Variants in PDF observed in about 807,000 individuals in gnomAD.
The protein encoded by PDF is peptide deformylase-like protein.
A neutral mutation model predicts 20.3 loss-of-function variants in PDF; 31 were observed. That is an observed-to-expected ratio of 1.52 (90% confidence interval 1.15 to 2.06). PDF has a LOEUF of 2.06. PDF is among the 30% of genes most tolerant of loss of function. The probability of loss-of-function intolerance (pLI) is 0.00; values close to 1 mark genes in which losing one functional copy is unlikely to be tolerated. For missense variants in PDF, 447 were observed against 362.5 expected (o/e 1.23, Z -1.89); for synonymous variants, 254 against 172.0 (o/e 1.48, Z -3.73).
Position 69,329,010 on chromosome 16 carries a change from A to AG in PDF, c.*11dup. ...CTTGGTATCCGGAATCCTCAGCCCCAGTAGCAAAGCTTTAGTCATTCACCT... is the reference window on the plus strand; with the variant it reads ...CTTGGTATCCGGAATCCTCAGCCCCAGGTAGCAAAGCTTTAGTCATTCACCT... On this transcript the variant is annotated 3_prime_UTR_variant, in exon 2 of 2. Coordinates refer to ENST00000288022, the MANE Select transcript of PDF (RefSeq NM_022341.2). The AG allele has an allele frequency of 6.2e-7, 1 of 1,601,358 alleles. No homozygotes were observed. Among genetic ancestry groups the AG allele is most frequent in the Non-Finnish European group, 8.5e-7 (1 of 1,176,298 alleles).
Position 69,330,580 on chromosome 16 carries a change from C to T in PDF, c.-10G>A. ...CCCACAGCCGGGCCATGGCGGCCCC[C>T]TTAACAGTGACCCGGCCCGCCCCTT... is the stretch of plus-strand genomic sequence containing the variant. On this transcript the variant is annotated 5_prime_UTR_variant, in exon 1 of 2. Transcript: ENST00000288022. 1.4e-6 allele frequency: 2 copies of T among 1,450,734 alleles called. No individual in the cohort carries two copies. Among genetic ancestry groups the T allele is most frequent in the Non-Finnish European group, 1.8e-6 (2 of 1,114,312 alleles). 89.9% of individuals were successfully genotyped at this position (1,450,734 alleles called of 1,614,324 possible). A position where few individuals can be genotyped will look rare whatever the true frequency, so the allele number is the denominator to read the frequency against.
intron 1 of PDF, 93 bp downstream of exon 1, chr16:69,329,904 G>C (rs1965732153): frequency 7.2e-7 from 1 of 1,381,156 alleles, no homozygotes; most frequent in Non-Finnish European, 9.4e-7. Flanking sequence ...GGGAGGTCCG[G>C]CGTATGAACC....
Position 69,330,054 on chromosome 16 carries a change from C to T in PDF, c.517G>A (p.Glu173Lys). The T allele has an allele frequency of 1.3e-6, 2 of 1,553,800 alleles. No individual in the cohort carries two copies. The highest frequency in any genetic ancestry group is 1.7e-6 in the Non-Finnish European group (2 of 1,150,782). Residue 173 changes from glutamate (E) to lysine (K), a missense_variant, in exon 1 of 2, where the codon GAG (glutamate) becomes AAG (lysine). Transcript: ENST00000288022. The stretch of plus-strand genomic sequence containing the variant: ...CAGGCCAGGAAGCCGGCGACGCTCT[C>T]GCAGCCCTCGGGAAAGGTGACCAGG... ...SRLVTFPEGC[E>K]SVAGFLACVP...
At position 69,330,200 on chromosome 16, in the gene PDF, G is replaced by A. The variant is rs987206273; in HGVS notation, c.371C>T (p.Ala124Val). Reference sequence around the variant, plus strand: ...ACACAGCGCCTCGGGGAGCTCCAGCGCCAGCACCTGCCGCGGCACCCCCAG... The same window carrying A: ...ACACAGCGCCTCGGGGAGCTCCAGCACCAGCACCTGCCGCGGCACCCCCAG... ...PQLGVPRQVLALELPEALCRE... is the reference protein window; with the variant it reads ...PQLGVPRQVLVLELPEALCRE... Residue 124 changes from alanine (A) to valine (V), a missense_variant, in exon 1 of 2, where the codon GCG becomes GTG. Coordinates refer to ENST00000288022, the MANE Select transcript of PDF (RefSeq NM_022341.2). 7.6e-6 allele frequency: 11 copies of A among 1,456,632 alleles called. No homozygotes were observed. The East Asian group carries it at 8.7e-5, about 12-fold the overall frequency. The allele number at this position is 1,456,632 out of a possible 1,614,324, so 90.2% of individuals were successfully genotyped here.
In PDF at chr16:69,328,812, C is replaced by T; in HGVS notation, c.*210G>A. On this transcript the variant is annotated 3_prime_UTR_variant, in exon 2 of 2. Coordinates refer to ENST00000288022, the MANE Select transcript of PDF (RefSeq NM_022341.2). ...GTCCACTCCTTTGGGGGTGATTTTT[C>T]TCCTCAAGTTGTAGCCAACATTTTG... 1 of 609,742 alleles carries T rather than the reference C, an allele frequency of 1.6e-6. No homozygotes were observed. Among genetic ancestry groups the T allele is most frequent in the Non-Finnish European group, 2.7e-6 (1 of 367,316 alleles). The allele number at this position is 609,742 out of a possible 1,614,324, so 37.8% of individuals were successfully genotyped here.
rs150474895 is a variant in PDF at position 69,330,122 on chromosome 16, AGGG to A, written c.446_448del (p.Pro149del). The A allele has an allele frequency of 2.0e-3, 3,180 of 1,582,428 alleles. 71 individuals are homozygous for A. The African/African-American group carries it at 0.04, about 20-fold the overall frequency. On this transcript the variant is annotated inframe_deletion, in exon 1 of 2. Transcript: ENST00000288022. ...CAGGCTGGGGTTCACGAACACGCGC[AGGG>A]GGAAGGGCTCCATTTGGCGGAGCGC...
Position 69,330,446 on chromosome 16 carries a change from G to C in PDF, c.125C>G (p.Pro42Arg), listed in dbSNP as rs762874045. The C allele has an allele frequency of 6.8e-7, 1 of 1,473,652 alleles. No individual in the cohort carries two copies. The highest frequency in any genetic ancestry group is 2.4e-5 in the Admixed American group (1 of 41,126). The allele number at this position is 1,473,652 out of a possible 1,614,324, so 91.3% of individuals were successfully genotyped here. A position where few individuals can be genotyped will look rare whatever the true frequency, so the allele number is the denominator to read the frequency against. Residue 42 changes from proline to arginine, a missense_variant, in exon 1 of 2, where the codon CCG becomes CGG. Pro to Arg is a moderately radical substitution (Grantham distance 103). Transcript: ENST00000288022. ...GCGCCAATAGGAGCGCCGCAGCGCC[G>C]GGCCCTCGACGCCGTCCGGGGCGGC... is the stretch of plus-strand genomic sequence containing the variant. ...STAAPDGVEGPALRRSYWRHL... is the reference protein window; with the variant it reads ...STAAPDGVEGRALRRSYWRHL...
At position 69,327,944 on chromosome 16, in the gene PDF, ACT is replaced by A. The variant is rs1016188286; in HGVS notation, c.*1076_*1077del. The A allele has an allele frequency of 6.6e-6, 1 of 151,934 alleles. No individual in the cohort carries two copies. The allele number at this position is 151,934 out of a possible 1,614,324, so 9.4% of individuals were successfully genotyped here. A position where few individuals can be genotyped will look rare whatever the true frequency, so the allele number is the denominator to read the frequency against. On this transcript the variant is annotated 3_prime_UTR_variant, in exon 2 of 2. Coordinates refer to ENST00000288022, the MANE Select transcript of PDF (RefSeq NM_022341.2). ...TTTTTGAGACAGAGAAAAAAAGAAA[ACT>A]CTACAGCCAGAATCATACTTTTGAG...
Position 69,330,178 on chromosome 16 carries a change from CA to C in PDF, c.392del (p.Leu131ArgfsTer24), listed in dbSNP as rs759389027. Reference sequence around the variant, plus strand: ...GCTGGCGGGGCGGGCACTCCCGACACAGCGCCTCGGGGAGCTCCAGCGCCAG... The same window carrying C: ...GCTGGCGGGGCGGGCACTCCCGACACGCGCCTCGGGGAGCTCCAGCGCCAG... ...QVLALELPEALCRECPPRQRA... is the reference protein window; with the variant it reads ...QVLALELPEAXCRECPPRQRA... On this transcript the variant is annotated frameshift_variant, in exon 1 of 2. Transcript: ENST00000288022. LOFTEE classifies it high-confidence loss of function. 7.9e-5 allele frequency: 119 copies of C among 1,510,522 alleles called. 2 individuals carry two copies. The South Asian group carries it at 1.5e-3, about 19-fold the overall frequency. 93.6% of individuals were successfully genotyped at this position (1,510,522 alleles called of 1,614,324 possible).
rs1371737115 is a variant in PDF, at chr16:69,329,061, C to T, written c.693G>A (p.Arg231=). 7 of 1,612,014 alleles carry T rather than the reference C, an allele frequency of 4.3e-6. No individual in the cohort carries two copies. The highest frequency in any genetic ancestry group is 1.1e-5 in the South Asian group (1 of 90,792). ...GCLFIDKMDS[R]TFTNVYWMKV... ...TCATCCAATAGACGTTTGTGAACGT[C>T]CTGCTGTCCATTTTGTCAATAAACA... The change falls in exon 2 of 2, where the codon AGG becomes AGA. Residue 231 remains arginine, a synonymous_variant. Coordinates refer to ENST00000288022, the MANE Select transcript of PDF (RefSeq NM_022341.2).
In PDF at chr16:69,328,792, C is replaced by T. The variant is rs980354597; in HGVS notation, c.*230G>A. The T allele has an allele frequency of 5.6e-6, 3 of 538,798 alleles. No individual in the cohort carries two copies. The highest frequency in any genetic ancestry group is 3.2e-6 in the Non-Finnish European group (1 of 314,690). 33.4% of individuals were successfully genotyped at this position (538,798 alleles called of 1,614,324 possible). A position where few individuals can be genotyped will look rare whatever the true frequency, so the allele number is the denominator to read the frequency against. On this transcript the variant is annotated 3_prime_UTR_variant, in exon 2 of 2. Transcript: ENST00000288022. ...ATACAGAATTGTTAGGAAATGTCCA[C>T]TCCTTTGGGGGTGATTTTTCTCCTC... is the stretch of plus-strand genomic sequence containing the variant.
chr16:69,329,255 C>T (rs960296633), intron 1 of PDF, 76 bp from the exon 2 acceptor site: 3 of 1,417,272 alleles, frequency 2.1e-6, no homozygotes, highest in Non-Finnish European at 1.8e-6. Context: ...CCCCTGCCCC[C>T]GGTCCTGGCT....
chr16:69,330,245 A>C lies in PDF; in HGVS notation c.326T>G (p.Val109Gly). Residue 109 changes from valine to glycine, a missense_variant, in exon 1 of 2, where the codon GTG (valine) becomes GGG (glycine). Val to Gly is a moderately radical substitution (Grantham distance 109). Transcript: ENST00000288022. Reference protein sequence around the residue: ...LVQVMRRRRCVGLSAPQLGVP... With the variant: ...LVQVMRRRRCGGLSAPQLGVP... Reference sequence around the variant, plus strand: ...CCCCAGCTGCGGCGCGCTTAGGCCCACGCAGCGCCGCCGCCGCATCACCTG... The same window carrying C: ...CCCCAGCTGCGGCGCGCTTAGGCCCCCGCAGCGCCGCCGCCGCATCACCTG... 3 of 1,438,924 alleles carry C rather than the reference A, an allele frequency of 2.1e-6. No individual in the cohort carries two copies. The highest frequency in any genetic ancestry group is 2.7e-6 in the Non-Finnish European group (3 of 1,105,088). The allele number at this position is 1,438,924 out of a possible 1,614,324, so 89.1% of individuals were successfully genotyped here. A position where few individuals can be genotyped will look rare whatever the true frequency, so the allele number is the denominator to read the frequency against.
chr16:69,327,562 T>G lies in PDF; in HGVS notation c.*1460A>C, dbSNP rs1444680037. 1 of 152,096 alleles carries G rather than the reference T, an allele frequency of 6.6e-6. No homozygotes were observed. The highest frequency in any genetic ancestry group is 1.5e-5 in the Non-Finnish European group (1 of 68,024). The allele number at this position is 152,096 out of a possible 1,614,324, so 9.4% of individuals were successfully genotyped here. A position where few individuals can be genotyped will look rare whatever the true frequency, so the allele number is the denominator to read the frequency against. ...AGAAAGCCACAAAGGAGGATGGGTC[T>G]TTCCTGGGTTCATTTAACTGCCATT... is the stretch of plus-strand genomic sequence containing the variant. On this transcript the variant is annotated 3_prime_UTR_variant, in exon 2 of 2. Transcript: ENST00000288022.
rs1424813444 is a variant in PDF, at chr16:69,329,179, C to T, written c.575G>A (p.Gly192Glu). 5 of 1,592,788 alleles carry T rather than the reference C, an allele frequency of 3.1e-6. No homozygotes were observed. In the African/African-American group the frequency reaches 6.7e-5, roughly 21 times the overall value. ...CACCTGTTCTCCATTGGGGTCCAGC[C>T]CTGCAAAGGAAGTTACAGCCCTGGT... ...VPRFQAVQIS[G>E]LDPNGEQVVW... The change falls in exon 2 of 2, where the codon GGG (glycine) becomes GAG (glutamate). Residue 192 changes from glycine to glutamate, a missense_variant and splice_region_variant. Transcript: ENST00000288022.
Position 69,328,728 on chromosome 16 carries a change from T to C in PDF, c.*294A>G. The C allele has an allele frequency of 2.7e-6, 1 of 372,374 alleles. No homozygotes were observed. The allele number at this position is 372,374 out of a possible 1,614,324, so 23.1% of individuals were successfully genotyped here. The stretch of plus-strand genomic sequence containing the variant: ...AGATTATACAGGTCCGAGGAACTCG[T>C]GTCTACTGCAGACGAATGCAATTAC... On this transcript the variant is annotated 3_prime_UTR_variant, in exon 2 of 2. Coordinates refer to ENST00000288022, the MANE Select transcript of PDF (RefSeq NM_022341.2).
rs1338926859 is a variant in PDF at position 69,330,165 on chromosome 16, G to A, written c.406C>T (p.Pro136Ser). 3 of 1,532,326 alleles carry A rather than the reference G, an allele frequency of 2.0e-6. No homozygotes were observed. 94.9% of individuals were successfully genotyped at this position (1,532,326 alleles called of 1,614,324 possible). A position where few individuals can be genotyped will look rare whatever the true frequency, so the allele number is the denominator to read the frequency against. The change falls in exon 1 of 2, where the codon CCG becomes TCG. Residue 136 changes from proline (P) to serine (S), a missense_variant. By Grantham distance (74) the Pro-to-Ser change is moderately conservative. Coordinates refer to ENST00000288022, the MANE Select transcript of PDF (RefSeq NM_022341.2). ...ELPEALCREC[P>S]PRQRALRQME... ...TGGCGGAGCGCGCGCTGGCGGGGCGGGCACTCCCGACACAGCGCCTCGGGG... is the reference window on the plus strand; with the variant it reads ...TGGCGGAGCGCGCGCTGGCGGGGCGAGCACTCCCGACACAGCGCCTCGGGG...
rs1309251440 is a variant in PDF, at chr16:69,330,228, G to A, written c.343C>T (p.Gln115Ter). 6.9e-7 allele frequency: 1 copy of A among 1,452,272 alleles called. No individual in the cohort carries two copies. Among genetic ancestry groups the A allele is most frequent in the Non-Finnish European group, 9.0e-7 (1 of 1,111,006 alleles). The allele number at this position is 1,452,272 out of a possible 1,614,324, so 90.0% of individuals were successfully genotyped here. ...RRRCVGLSAPQLGVPRQVLAL... is the reference protein window; with the variant it reads ...RRRCVGLSAP The stretch of plus-strand genomic sequence containing the variant: ...AGCACCTGCCGCGGCACCCCCAGCT[G>A]CGGCGCGCTTAGGCCCACGCAGCGC... The change falls in exon 1 of 2, where the codon CAG (glutamine) becomes TAG (stop). Residue 115 changes from glutamine (Q) to a stop codon, truncating the protein, a stop_gained. Transcript: ENST00000288022. LOFTEE classifies it high-confidence loss of function.
rs1965635496 is a variant in PDF, at chr16:69,327,524, C to T, written c.*1498G>A. On this transcript the variant is annotated 3_prime_UTR_variant, in exon 2 of 2. Coordinates refer to ENST00000288022, the MANE Select transcript of PDF (RefSeq NM_022341.2). ...GAGCCAGTTTGCTTCTGCTTGGCCTCATGGGGCCTCAGAGAAAGCCACAAA... is the reference window on the plus strand; with the variant it reads ...GAGCCAGTTTGCTTCTGCTTGGCCTTATGGGGCCTCAGAGAAAGCCACAAA... The T allele has an allele frequency of 6.6e-6, 1 of 151,938 alleles. No homozygotes were observed. The highest frequency in any genetic ancestry group is 2.4e-5 in the African/African-American group (1 of 41,358). 9.4% of individuals were successfully genotyped at this position (151,938 alleles called of 1,614,324 possible).
Sources: gnomAD v4.1 joint callset for allele counts on GRCh38, gnomAD v4.1.1 for gene constraint, MANE v1.5 for transcripts, NCBI Gene and HGNC (gene_info 2026-07-23, HGNC 2026-07-21) for gene names.